The following SETD3 variants were observed in gnomAD, a reference collection of about 807,000 sequenced individuals.
SETD3 encodes SET domain containing 3, actin N3(tau)-histidine methyltransferase.
SETD3 carries 19 observed loss-of-function variants against 63.0 expected under a neutral mutation model. The observed-to-expected ratio is 0.30, with a 90% CI of 0.21 to 0.44. The LOEUF (loss-of-function observed/expected upper bound fraction) is 0.44. SETD3 is among the 20% of genes least tolerant of loss of function. The pLI is 1.00. For missense variants in SETD3, 587 were observed against 728.5 expected, an observed-to-expected ratio of 0.81 and a Z score of 2.24; for synonymous variants, 286 against 264.1, an observed-to-expected ratio of 1.08 and a Z score of -0.80.
At chr14:99,483,608 G>A (rs910163441), upstream of SETD3, among the ~76,000 whole-genome samples, 3 of 152,196 alleles carry the variant, frequency 2.0e-5, no homozygotes, top group African/African-American at 7.2e-5. Flanking sequence ...CTAGACTGGT[G>A]GTGATTGGGG....
chr14:99,462,139 GA>G (rs1343713502), intron 3 of SETD3, among the ~76,000 whole-genome samples: 2 of 152,182 alleles, frequency 1.3e-5, no homozygotes, highest in Non-Finnish European at 2.9e-5. Context: ...AAGGGCTGAG[GA>G]AGGGAAAGGA....
At chr14:99,452,107 T>G (rs949350413) in intron 6 of SETD3, among the ~76,000 whole-genome samples, 1 of 152,164 alleles carries the variant, frequency 6.6e-6, no homozygotes, top group African/African-American at 2.4e-5. Context: ...GTTTTTTGTT[T>G]GTTTGTTTGT....
intron 6 of SETD3, among the ~76,000 whole-genome samples, chr14:99,425,246 A>T (rs1397511831): frequency 6.6e-6 from 1 of 152,232 alleles, no homozygotes; most frequent in East Asian, 1.9e-4. Context: ...TGGTTAGCCA[A>T]CTATCTTGCC....
intron 6 of SETD3, among the ~76,000 whole-genome samples, chr14:99,446,375 C>T (rs1053841925): frequency 6.6e-6 from 1 of 152,158 alleles, no homozygotes; most frequent in African/African-American, 2.4e-5. Flanking sequence ...TTAATTCTGT[C>T]TCAGATTATT....
At chr14:99,434,634 G>C (rs1893367177) in intron 6 of SETD3, among the ~76,000 whole-genome samples, 1 of 151,854 alleles carries the variant, frequency 6.6e-6, no homozygotes. Flanking sequence ...GATCACCTGA[G>C]ATCAGGAGTT....
At chr14:99,432,459 T>A (rs947995834) in intron 6 of SETD3, among the ~76,000 whole-genome samples, 2 of 152,246 alleles carry the variant, frequency 1.3e-5, no homozygotes, top group African/African-American at 4.8e-5. Flanking sequence ...CCAAGCCATT[T>A]ATATTCACAC....
In SETD3 at chr14:99,413,103, T is replaced by A. The variant is rs554556889; in HGVS notation, c.735-38A>T. 223 of 1,276,862 alleles carry A rather than the reference T, an allele frequency of 1.7e-4. 1 individual carries two copies. The South Asian group carries it at 2.6e-3, about 15-fold the overall frequency. 79.1% of individuals were successfully genotyped at this position (1,276,862 alleles called of 1,614,324 possible). On this transcript the variant is annotated intron_variant, in intron 7 of 12. Transcript: ENST00000331768. ...AAATGGTGACTTAAGGTTGGAACAT[T>A]TAAAAGCCAATTGCAGTAAGAAATA...
chr14:99,458,286 A>G lies in SETD3; in HGVS notation c.668T>C (p.Val223Ala). Residue 223 changes from valine (V) to alanine (A), a missense_variant, in exon 6 of 13, where the codon GTC becomes GCC. Physicochemically the swap from Val to Ala is moderately conservative, Grantham distance 64. Coordinates refer to ENST00000331768, the MANE Select transcript of SETD3 (RefSeq NM_032233.3). The stretch of plus-strand genomic sequence containing the variant: ...TTGCAAACAGCTGCTCACCTGGATG[A>G]CTTTATAGAAGTAGGCGTACTGTCG... ...TARQYAYFYK[V>A]IQTHPHANKL... 6.2e-7 allele frequency: 1 copy of G among 1,611,656 alleles called. No homozygotes were observed. Among genetic ancestry groups the G allele is most frequent in the Non-Finnish European group, 8.5e-7 (1 of 1,178,044 alleles).
intron 6 of SETD3, among the ~76,000 whole-genome samples, chr14:99,420,583 C>A (rs1892532491): frequency 6.6e-6 from 1 of 152,160 alleles, no homozygotes; most frequent in Non-Finnish European, 1.5e-5. Flanking sequence ...CACACCAAGG[C>A]AGTGACCATA....
At chr14:99,407,511 T>C (rs530367871) in intron 8 of SETD3, among the ~76,000 whole-genome samples, 1 of 152,336 alleles carries the variant, frequency 6.6e-6, no homozygotes, top group Admixed American at 6.5e-5. Context: ...GAGTTGCTAA[T>C]TGTACGATGT....
At chr14:99,484,633 G>A (rs1896438437), upstream of SETD3, among the ~76,000 whole-genome samples, 1 of 152,182 alleles carries the variant, frequency 6.6e-6, no homozygotes, top group Admixed American at 6.5e-5. Flanking sequence ...CATCTGTGTA[G>A]CAGATCTAGG....
intron 8 of SETD3, among the ~76,000 whole-genome samples, chr14:99,407,422 T>A (rs971821003): frequency 2.6e-5 from 4 of 152,230 alleles, no homozygotes; most frequent in Non-Finnish European, 5.9e-5. Context: ...TAGTCCTTAT[T>A]CCTTCTCACC....
intron 3 of SETD3, among the ~76,000 whole-genome samples, chr14:99,462,263 T>C (rs1284547580): frequency 1.3e-5 from 2 of 152,212 alleles, no homozygotes; most frequent in East Asian, 3.8e-4. Context: ...TCTGAACTTT[T>C]CAGCATGTCC....
intron 6 of SETD3, among the ~76,000 whole-genome samples, chr14:99,449,909 C>T (rs1264100161): frequency 1.3e-5 from 2 of 152,160 alleles, no homozygotes; most frequent in African/African-American, 4.8e-5. Flanking sequence ...AACAAACAAA[C>T]AAATTTCACA....
rs937564875 is a variant in SETD3 at position 99,406,501 on chromosome 14, T to C, written c.924+15A>G. 1 of 1,613,824 alleles carries C rather than the reference T, an allele frequency of 6.2e-7. No homozygotes were observed. Among genetic ancestry groups the C allele is most frequent in the Non-Finnish European group, 8.5e-7 (1 of 1,179,688 alleles). Reference sequence around the variant, plus strand: ...ACTGGCTGGCTCACATTTTGTGAGATGCCACGAGACCCACCTGCTCTCCAG... The same window carrying C: ...ACTGGCTGGCTCACATTTTGTGAGACGCCACGAGACCCACCTGCTCTCCAG... On this transcript the variant is annotated intron_variant, in intron 9 of 12. Transcript: ENST00000331768.
chr14:99,399,802 G>C (rs1247302770), intron 12 of SETD3, among the ~76,000 whole-genome samples: 2 of 139,498 alleles, frequency 1.4e-5, no homozygotes, highest in African/African-American at 5.4e-5. Flanking sequence ...CCAGGCTGGA[G>C]TGCAGTGTCG....
At chr14:99,470,459 G>T (rs1045497354) in intron 1 of SETD3, among the ~76,000 whole-genome samples, 1 of 152,154 alleles carries the variant, frequency 6.6e-6, no homozygotes, top group African/African-American at 2.4e-5. Flanking sequence ...TAAGGATGGG[G>T]GCAGGGGGGC....
chr14:99,407,674 A>G (rs566744598), intron 8 of SETD3, among the ~76,000 whole-genome samples: 1 of 152,218 alleles, frequency 6.6e-6, no homozygotes, highest in East Asian at 1.9e-4. Flanking sequence ...CCTGCCTGAC[A>G]CTACCTTCTA....
intron 1 of SETD3, among the ~76,000 whole-genome samples, chr14:99,466,857 C>G (rs2139798088): frequency 6.6e-6 from 1 of 152,288 alleles, no homozygotes; most frequent in East Asian, 1.9e-4. Flanking sequence ...TAGGGCGATC[C>G]ATAAGCTAAT....
Sources: gnomAD v4.1 joint callset for allele counts (sites outside exome capture counted in the v4.1 genomes callset) on GRCh38, gnomAD v4.1.1 for gene constraint, MANE v1.5 for transcripts, NCBI Gene and HGNC (gene_info 2026-07-23, HGNC 2026-07-21) for gene names.